The following UNC5D variants were observed in gnomAD, a reference collection of about 807,000 sequenced individuals.
UNC5D encodes netrin receptor UNC5D.
UNC5D carries 39 observed loss-of-function variants against 105.4 expected under a neutral mutation model. That is an observed-to-expected ratio of 0.37 (90% CI 0.29 to 0.48). The LOEUF is 0.48. UNC5D is among the 20% of genes least tolerant of loss of function. UNC5D has a pLI of 0.98. For missense variants in UNC5D, 991 were observed against 1,202.4 expected (o/e 0.82, Z 2.60); for synonymous variants, 452 against 450.4 (o/e 1.00, Z -0.04).
chr8:35,279,601 G>A (rs1806006070), intron 1 of UNC5D, among the ~76,000 whole-genome samples: 1 of 152,168 alleles, frequency 6.6e-6, no homozygotes, highest in South Asian at 2.1e-4. Flanking sequence ...TCCATGGCTG[G>A]TTAATAACCA....
At chr8:35,310,854 G>A (rs1808823532) in intron 1 of UNC5D, among the ~76,000 whole-genome samples, 1 of 152,150 alleles carries the variant, frequency 6.6e-6, no homozygotes, top group African/African-American at 2.4e-5. Flanking sequence ...CATGCTGAGG[G>A]TTAGGGGTTC....
At chr8:35,517,540 C>T (rs12544701) in intron 1 of UNC5D, among the ~76,000 whole-genome samples, 21,135 of 152,096 alleles carry the variant, frequency 0.14, 1,831 homozygotes, top group East Asian at 0.27. Context: ...AGAGAGATCA[C>T]TATCCTCTTG....
intron 4 of UNC5D, among the ~76,000 whole-genome samples, chr8:35,664,392 G>A (rs1824299467): frequency 6.6e-6 from 1 of 152,088 alleles, no homozygotes; most frequent in South Asian, 2.1e-4. Context: ...GTTTGTTTGA[G>A]ATGGAGCCTT....
intron 4 of UNC5D, among the ~76,000 whole-genome samples, chr8:35,627,990 G>C (rs1417218585): frequency 1.3e-5 from 2 of 151,990 alleles, no homozygotes; most frequent in South Asian, 2.1e-4. Context: ...TTTGATTGGG[G>C]GTGTGGTTGA....
chr8:35,338,882 A>G (rs1026166222), intron 1 of UNC5D, among the ~76,000 whole-genome samples: 1 of 152,054 alleles, frequency 6.6e-6, no homozygotes, highest in African/African-American at 2.4e-5. Flanking sequence ...GAAAGCTACT[A>G]GATATTTAAT....
intron 2 of UNC5D, among the ~76,000 whole-genome samples, chr8:35,558,204 C>T (rs912476607): frequency 4.6e-5 from 7 of 151,246 alleles, no homozygotes; most frequent in Admixed American, 2.6e-4. Context: ...TTTTGCTTGT[C>T]GATGTATCCT....
chr8:35,290,865 T>C (rs1327644020), intron 1 of UNC5D, among the ~76,000 whole-genome samples: 5 of 151,510 alleles, frequency 3.3e-5, no homozygotes, highest in Admixed American at 2.6e-4. Context: ...GGAGAATCGC[T>C]TGAACCTGGG....
rs913978671 is a variant in UNC5D, at chr8:35,724,003, G to A, written c.1303+1608G>A. On this transcript the variant is annotated intron_variant, in intron 9 of 16. Coordinates refer to ENST00000404895, the MANE Select transcript of UNC5D (RefSeq NM_080872.4). Reference sequence around the variant, plus strand: ...AACATGGGTAAGCCCTTGGCATATGGAAAGCGCTCACAAATGCAGCGAATA... The same window carrying A: ...AACATGGGTAAGCCCTTGGCATATGAAAAGCGCTCACAAATGCAGCGAATA... 3.7e-5 allele frequency: 21 copies of A among 568,140 alleles called. No individual in the cohort carries two copies. The African/African-American group carries it at 4.0e-4, about 11-fold the overall frequency. The allele number at this position is 568,140 out of a possible 1,614,324, so 35.2% of individuals were successfully genotyped here.
At chr8:35,283,298 C>T (rs995661268) in intron 1 of UNC5D, among the ~76,000 whole-genome samples, 5 of 152,216 alleles carry the variant, frequency 3.3e-5, no homozygotes, top group Non-Finnish European at 7.4e-5. Context: ...TAACTGTTCA[C>T]GGTCAAGTCT....
intron 1 of UNC5D, among the ~76,000 whole-genome samples, chr8:35,352,329 G>GA (rs1353995769): frequency 6.6e-6 from 1 of 151,986 alleles, no homozygotes; most frequent in Non-Finnish European, 1.5e-5. Flanking sequence ...CTGTATGGAG[G>GA]AAAATCCAAT....
chr8:35,267,244 C>G (rs962230230), intron 1 of UNC5D, among the ~76,000 whole-genome samples: 1 of 151,958 alleles, frequency 6.6e-6, no homozygotes, highest in African/African-American at 2.4e-5. Context: ...AAGAAACCAC[C>G]CTACATGAAG....
chr8:35,750,494 G>A (rs565182255), intron 12 of UNC5D, 88 bp from the exon 13 acceptor site: 327 of 1,343,800 alleles, frequency 2.4e-4, no homozygotes, highest in Admixed American at 6.5e-4. Context: ...ATTTATATTT[G>A]TGTGTTTATT....
intron 1 of UNC5D, among the ~76,000 whole-genome samples, chr8:35,458,817 G>A (rs927571815): frequency 2.6e-5 from 4 of 152,154 alleles, no homozygotes; most frequent in African/African-American, 9.7e-5. Context: ...AATGATCCAA[G>A]AATCTCATGA....
intron 1 of UNC5D, among the ~76,000 whole-genome samples, chr8:35,521,266 A>G (rs1813452239): frequency 6.6e-6 from 1 of 152,152 alleles, no homozygotes; most frequent in Non-Finnish European, 1.5e-5. Context: ...ATAACAAAGA[A>G]GAAGACGAGT....
chr8:35,261,460 A>G (rs1804486244), intron 1 of UNC5D, among the ~76,000 whole-genome samples: 1 of 152,250 alleles, frequency 6.6e-6, no homozygotes, highest in Admixed American at 6.5e-5. Flanking sequence ...AGGATCATTT[A>G]ATAATGATGA....
At chr8:35,247,393 G>C (rs1803182206) in intron 1 of UNC5D, among the ~76,000 whole-genome samples, 2 of 147,420 alleles carry the variant, frequency 1.4e-5, no homozygotes, top group South Asian at 2.1e-4. Flanking sequence ...TTTTGTGTTT[G>C]GGTGAAAGTT....
intron 4 of UNC5D, among the ~76,000 whole-genome samples, chr8:35,645,925 A>T (rs1228212235): frequency 6.6e-6 from 1 of 152,042 alleles, no homozygotes; most frequent in Non-Finnish European, 1.5e-5. Flanking sequence ...GATTACACAC[A>T]CACACACACA....
chr8:35,239,235 A>G (rs948646106), intron 1 of UNC5D, among the ~76,000 whole-genome samples: 1 of 152,156 alleles, frequency 6.6e-6, no homozygotes, highest in Admixed American at 6.5e-5. Context: ...GTAGTACCTC[A>G]CAGGGGAGGG....
chr8:35,297,947 T>C (rs962868198), intron 1 of UNC5D, among the ~76,000 whole-genome samples: 4 of 152,180 alleles, frequency 2.6e-5, no homozygotes, highest in Admixed American at 6.5e-5. Context: ...GAACAGGACC[T>C]GGCCTTTAGT....
Sources: gnomAD v4.1 joint callset for allele counts (sites outside exome capture counted in the v4.1 genomes callset) on GRCh38, gnomAD v4.1.1 for gene constraint, MANE v1.5 for transcripts, NCBI Gene and HGNC (gene_info 2026-07-23, HGNC 2026-07-21) for gene names.